The following LRRTM4 variants were observed in gnomAD, a reference collection of about 807,000 sequenced individuals.
The protein encoded by LRRTM4 is leucine-rich repeat transmembrane neuronal protein 4.
A neutral mutation model predicts 47.6 loss-of-function variants in LRRTM4; 25 were observed. The observed-to-expected ratio is 0.53, with a 90% CI of 0.38 to 0.73. The LOEUF (loss-of-function observed/expected upper bound fraction) is 0.73. Among genes scored for constraint, LRRTM4 ranks in the 30% least tolerant of loss-of-function variants. LRRTM4 has a pLI of 0.00. For missense variants in LRRTM4, 638 were observed against 713.4 expected (o/e 0.89, Z 1.20); for synonymous variants, 311 against 269.5 (o/e 1.15, Z -1.51).
intron 3 of LRRTM4, among the ~76,000 whole-genome samples, chr2:77,359,977 T>C (rs553006310): frequency 3.3e-5 from 5 of 152,300 alleles, no homozygotes; most frequent in African/African-American, 7.2e-5. Flanking sequence ...GTTACTATTA[T>C]AGAACATGAA....
chr2:76,842,113 C>T (rs572238990), intron 3 of LRRTM4, among the ~76,000 whole-genome samples: 1 of 152,080 alleles, frequency 6.6e-6, no homozygotes, highest in Non-Finnish European at 1.5e-5. Flanking sequence ...TGGCCCTTCC[C>T]ATTATGGGTG....
At chr2:77,198,102 C>T (rs1673879148) in intron 3 of LRRTM4, among the ~76,000 whole-genome samples, 1 of 152,152 alleles carries the variant, frequency 6.6e-6, no homozygotes. Context: ...ACTTCTATTT[C>T]GTCTTCATGC....
intron 3 of LRRTM4, among the ~76,000 whole-genome samples, chr2:77,010,520 AC>A (rs1677833504): frequency 6.6e-6 from 1 of 150,486 alleles, no homozygotes; most frequent in African/African-American, 2.5e-5. Context: ...ACACACACAC[AC>A]ACACACACAC....
intron 3 of LRRTM4, among the ~76,000 whole-genome samples, chr2:76,808,552 A>T (rs1670632371): frequency 6.6e-6 from 1 of 152,114 alleles, no homozygotes; most frequent in African/African-American, 2.4e-5. Flanking sequence ...TCTTTTATTT[A>T]TTGATGCAAA....
chr2:77,259,174 A>G (rs1208495835), intron 3 of LRRTM4, among the ~76,000 whole-genome samples: 3 of 152,102 alleles, frequency 2.0e-5, no homozygotes, highest in African/African-American at 4.8e-5. Context: ...TACTGAGTCA[A>G]TAATATGGGC....
intron 3 of LRRTM4, among the ~76,000 whole-genome samples, chr2:77,107,540 C>G (rs1414073160): frequency 1.3e-5 from 2 of 151,944 alleles, no homozygotes; most frequent in Admixed American, 1.3e-4. Flanking sequence ...ATAACTAGGC[C>G]GGGCATGGTG....
intron 3 of LRRTM4, among the ~76,000 whole-genome samples, chr2:76,801,512 T>G (rs1418996557): frequency 6.6e-6 from 1 of 151,768 alleles, no homozygotes; most frequent in Admixed American, 6.6e-5. Flanking sequence ...TGGGGACTGT[T>G]GTGGTGTGGG....
chr2:76,949,463 G>T (rs888732036), intron 3 of LRRTM4, among the ~76,000 whole-genome samples: 3 of 151,858 alleles, frequency 2.0e-5, no homozygotes, highest in Non-Finnish European at 4.4e-5. Flanking sequence ...CCCAAGGAGA[G>T]AACAATTTAT....
At chr2:76,860,907 A>G (rs1204033393) in intron 3 of LRRTM4, among the ~76,000 whole-genome samples, 1 of 152,074 alleles carries the variant, frequency 6.6e-6, no homozygotes, top group Non-Finnish European at 1.5e-5. Flanking sequence ...AAAGCATAGT[A>G]TCAGAGGAAA....
intron 3 of LRRTM4, among the ~76,000 whole-genome samples, chr2:77,369,173 A>G (rs995922878): frequency 1.3e-5 from 2 of 151,660 alleles, no homozygotes; most frequent in Non-Finnish European, 2.9e-5. Flanking sequence ...TTCTTACTTC[A>G]TTCTTTTAAT....
At chr2:77,122,518 A>C (rs1223421793) in intron 3 of LRRTM4, among the ~76,000 whole-genome samples, 1 of 150,300 alleles carries the variant, frequency 6.7e-6, no homozygotes, top group Non-Finnish European at 1.5e-5. Flanking sequence ...ACATATATAT[A>C]ATATATATAC....
At chr2:77,385,811 G>A (rs573172118) in intron 3 of LRRTM4, among the ~76,000 whole-genome samples, 6 of 134,062 alleles carry the variant, frequency 4.5e-5, no homozygotes, top group East Asian at 4.6e-4. Flanking sequence ...GCCGTGGCAC[G>A]ATCTCAGCTC....
At chr2:77,052,639 CTATA>C (rs535153647) in intron 3 of LRRTM4, among the ~76,000 whole-genome samples, 6 of 151,784 alleles carry the variant, frequency 4.0e-5, no homozygotes, top group Non-Finnish European at 8.8e-5. Context: ...AGGTTAGAAT[CTATA>C]TAACAGGTTT....
intron 3 of LRRTM4, among the ~76,000 whole-genome samples, chr2:77,223,589 T>G (rs545828280): frequency 6.6e-6 from 1 of 152,290 alleles, no homozygotes; most frequent in Non-Finnish European, 1.5e-5. Flanking sequence ...AGCCAAATCA[T>G]GAGTGAACTC....
chr2:77,135,582 A>G (rs939362688), intron 3 of LRRTM4, among the ~76,000 whole-genome samples: 2 of 152,182 alleles, frequency 1.3e-5, no homozygotes, highest in Admixed American at 6.5e-5. Flanking sequence ...ACTTATTACA[A>G]TGACTCATTC....
At position 77,231,671 on chromosome 2, in the gene LRRTM4, C is replaced by A. The variant is rs562652640; in HGVS notation, c.1551+286647G>T. 1.1e-3 allele frequency among the ~76,000 whole-genome samples: 165 copies of A among 152,112 alleles called. 1 individual carries two copies. Among genetic ancestry groups the A allele is most frequent in the African/African-American group, 3.8e-3 (158 of 41,494 alleles). On this transcript the variant is annotated intron_variant, in intron 3 of 3. Coordinates refer to ENST00000409884, the MANE Select transcript of LRRTM4 (RefSeq NM_001134745.3). The stretch of plus-strand genomic sequence containing the variant: ...TCATTTAGTGAATAATTATTGAGAA[C>A]CCACTGTGTTGCAGGAATCCTCTCA...
chr2:77,283,692 C>T (rs551040570), intron 3 of LRRTM4, among the ~76,000 whole-genome samples: 2 of 151,956 alleles, frequency 1.3e-5, no homozygotes. Flanking sequence ...CAGCTGGAGG[C>T]CATTATCCTA....
intron 3 of LRRTM4, among the ~76,000 whole-genome samples, chr2:77,470,440 A>G (rs1163379522): frequency 6.6e-6 from 1 of 152,160 alleles, no homozygotes; most frequent in Non-Finnish European, 1.5e-5. Flanking sequence ...AGGAAGATAT[A>G]AGAGTGTATT....
intron 3 of LRRTM4, among the ~76,000 whole-genome samples, chr2:76,784,226 TATTAAATAC>T (rs1674553875): frequency 6.6e-6 from 1 of 152,118 alleles, no homozygotes; most frequent in Non-Finnish European, 1.5e-5. Flanking sequence ...CAATTTCTTT[TATTAAATAC>T]ATTATTCAGA....
Sources: allele counts gnomAD v4.1 joint callset (sites outside exome capture counted in the v4.1 genomes callset), GRCh38; gene constraint gnomAD v4.1.1; transcripts MANE v1.5; gene names NCBI Gene and HGNC (gene_info 2026-07-23, HGNC 2026-07-21).